Variants in PDE1A observed in about 807,000 individuals in gnomAD.
PDE1A encodes the protein dual specificity calcium/calmodulin-dependent 3',5'-cyclic nucleotide phosphodiesterase 1A.
Under a neutral mutation model 61.7 loss-of-function variants are expected in PDE1A, and 35 were observed. That is an observed-to-expected ratio of 0.57 (90% CI 0.43 to 0.75). The LOEUF is 0.75. PDE1A is among the 30% of genes least tolerant of loss of function. The pLI is 0.00. For synonymous variants in PDE1A, 232 were observed against 213.2 expected (o/e 1.09, Z -0.77); for missense variants, 597 against 630.6 (o/e 0.95, Z 0.57).
chr2:182,160,860 C>T (rs1277366940), intron 13 of PDE1A, among the ~76,000 whole-genome samples: 1 of 152,138 alleles, frequency 6.6e-6, no homozygotes, highest in Non-Finnish European at 1.5e-5. Context: ...TCTAGAGGAA[C>T]AGTATTCTTA....
chr2:182,286,713 C>A (rs1694188162), intron 1 of PDE1A, among the ~76,000 whole-genome samples: 1 of 152,110 alleles, frequency 6.6e-6, no homozygotes, highest in African/African-American at 2.4e-5. Context: ...GGAAGTGGTG[C>A]TCATAGCTTC....
At chr2:182,156,723 CA>C (rs1691101553) in intron 13 of PDE1A, among the ~76,000 whole-genome samples, 1 of 152,000 alleles carries the variant, frequency 6.6e-6, no homozygotes, top group African/African-American at 2.4e-5. Flanking sequence ...GTGATAAAAC[CA>C]GCAGTAGAAG....
chr2:182,616,320 G>C, the PDE1A span, among the ~76,000 whole-genome samples: 2 of 152,340 alleles, frequency 1.3e-5, no homozygotes, highest in Non-Finnish European at 2.9e-5. Context: ...CAGTGAGGTA[G>C]CTAGGGCTCA....
intron 1 of PDE1A, among the ~76,000 whole-genome samples, chr2:182,358,422 C>G (rs549938361): frequency 6.6e-6 from 1 of 152,180 alleles, no homozygotes; most frequent in South Asian, 2.1e-4. Flanking sequence ...TTTGTCTAAC[C>G]CAACTAATCA....
At chr2:182,620,026 A>G in the PDE1A span, among the ~76,000 whole-genome samples, 1 of 152,146 alleles carries the variant, frequency 6.6e-6, no homozygotes, top group Non-Finnish European at 1.5e-5. Context: ...CTCACATCCC[A>G]ATATTGTTAC....
chr2:182,692,264 C>T, the PDE1A span, among the ~76,000 whole-genome samples: 1 of 152,152 alleles, frequency 6.6e-6, no homozygotes, highest in Non-Finnish European at 1.5e-5. Flanking sequence ...AGACTTGGAA[C>T]CAACTCAAAT....
At chr2:182,631,224 T>C in the PDE1A span, among the ~76,000 whole-genome samples, 3 of 151,956 alleles carry the variant, frequency 2.0e-5, no homozygotes, top group African/African-American at 7.3e-5. Context: ...GGGCAGAAGA[T>C]CAATATCCTA....
the PDE1A span, among the ~76,000 whole-genome samples, chr2:182,598,337 C>T: frequency 6.6e-6 from 1 of 152,016 alleles, no homozygotes; most frequent in Non-Finnish European, 1.5e-5. Flanking sequence ...ATTGGGAGGC[C>T]GAGGCGGAGG....
the PDE1A span, among the ~76,000 whole-genome samples, chr2:182,589,796 T>C: frequency 3.3e-5 from 5 of 152,218 alleles, no homozygotes; most frequent in African/African-American, 1.2e-4. Context: ...TTCTATTCCA[T>C]ACATCAGTCC....
chr2:182,150,504 G>C (rs753110251), intron 13 of PDE1A, among the ~76,000 whole-genome samples: 2 of 152,138 alleles, frequency 1.3e-5, no homozygotes, highest in African/African-American at 4.8e-5. Flanking sequence ...GAATGCAAGT[G>C]GTCTGTTCAA....
At chr2:182,471,911 A>C (rs945792274) in intron 2 of PDE1A, among the ~76,000 whole-genome samples, 9 of 151,966 alleles carry the variant, frequency 5.9e-5, no homozygotes, top group African/African-American at 2.2e-4. Flanking sequence ...GGCAATGAAT[A>C]GACTATATTT....
intron 1 of PDE1A, among the ~76,000 whole-genome samples, chr2:182,271,682 G>T (rs961221028): frequency 1.3e-5 from 2 of 152,110 alleles, no homozygotes; most frequent in African/African-American, 4.8e-5. Context: ...TTTCTGGTCA[G>T]TGTTAACCAT....
chr2:182,544,192 C>G, the PDE1A span, among the ~76,000 whole-genome samples: 4 of 152,148 alleles, frequency 2.6e-5, no homozygotes, highest in African/African-American at 9.7e-5. Flanking sequence ...CAATTAATGA[C>G]CTGACCATAA....
At chr2:182,437,957 T>C (rs912343388) in intron 2 of PDE1A, among the ~76,000 whole-genome samples, 2 of 151,944 alleles carry the variant, frequency 1.3e-5, no homozygotes, top group Non-Finnish European at 2.9e-5. Context: ...GTTTTGAATG[T>C]ACACATTGTT....
intron 1 of PDE1A, among the ~76,000 whole-genome samples, chr2:182,398,750 C>T (rs1701841951): frequency 6.6e-6 from 1 of 151,938 alleles, no homozygotes; most frequent in Non-Finnish European, 1.5e-5. Context: ...CTAGTTTTTT[C>T]ATTTTTGCCT....
chr2:182,597,401 A>G, the PDE1A span, among the ~76,000 whole-genome samples: 2 of 152,134 alleles, frequency 1.3e-5, no homozygotes, highest in African/African-American at 4.8e-5. Context: ...CATGTGAAGG[A>G]GCCATCAATA....
At chr2:182,428,561 A>G (rs1703755883), upstream of PDE1A, among the ~76,000 whole-genome samples, 1 of 152,288 alleles carries the variant, frequency 6.6e-6, no homozygotes, top group South Asian at 2.1e-4. Flanking sequence ...TGTGCTATAC[A>G]GCAGTTAAAT....
intron 1 of PDE1A, among the ~76,000 whole-genome samples, chr2:182,302,458 AAAAATGTATATAACTTAATTT>A (rs1195359523): frequency 6.6e-6 from 1 of 152,242 alleles, no homozygotes; most frequent in African/African-American, 2.4e-5. Context: ...CATTATGCAT[AAAAATGTATATAACTTAATTT>A]AAAATACTTC....
the PDE1A span, among the ~76,000 whole-genome samples, chr2:182,658,191 T>G: frequency 6.6e-6 from 1 of 152,164 alleles, no homozygotes; most frequent in Admixed American, 6.5e-5. Context: ...TTCTAGAGGC[T>G]AGACGTCCAA....
Sources: allele counts gnomAD v4.1 joint callset (sites outside exome capture counted in the v4.1 genomes callset), GRCh38; gene constraint gnomAD v4.1.1; transcripts MANE v1.5; gene names NCBI Gene and HGNC (gene_info 2026-07-23, HGNC 2026-07-21).